The following CMTR1 variants were observed in gnomAD, a reference collection of about 807,000 sequenced individuals.
The protein encoded by CMTR1 is cap methyltransferase 1.
A neutral mutation model predicts 107.0 loss-of-function variants in CMTR1; 39 were observed. The observed-to-expected ratio is 0.36, with a 90% CI of 0.28 to 0.48. The LOEUF (loss-of-function observed/expected upper bound fraction) is 0.48, where lower values mean the gene tolerates loss of function less well. Ranked by LOEUF, CMTR1 falls within the 20% of genes least tolerant of loss-of-function variation. CMTR1 has a pLI of 0.99. For missense variants in CMTR1, 672 were observed against 1,064.9 expected, an observed-to-expected ratio of 0.63 and a Z score of 5.14; for synonymous variants, 366 against 379.5, an observed-to-expected ratio of 0.96 and a Z score of 0.41.
chr6:37,437,787 G>C (rs984322531), intron 2 of CMTR1, among the ~76,000 whole-genome samples: 6 of 152,178 alleles, frequency 3.9e-5, no homozygotes, highest in African/African-American at 1.2e-4. Context: ...TCCTTGGGTA[G>C]GGGTATTGGG....
Position 37,468,058 on chromosome 6 carries a change from G to GC in CMTR1, c.1506-2963_1506-2962insC, listed in dbSNP as rs568532320. Among the ~76,000 whole-genome samples, 46 of 147,972 alleles carry GC rather than the reference G, an allele frequency of 3.1e-4. 2 individuals are homozygous for GC. The East Asian group carries it at 9.7e-3, about 31-fold the overall frequency. ...TCCTTTCTTCCCTCTGTTTTGTGGG[G>GC]GGGGGGACTAATTCAGTATTTTTTA... is the stretch of plus-strand genomic sequence containing the variant. On this transcript the variant is annotated intron_variant, in intron 13 of 23. Coordinates refer to ENST00000373451, the MANE Select transcript of CMTR1 (RefSeq NM_015050.3).
At chr6:37,430,776 AG>A (rs1213296021), upstream of CMTR1, among the ~76,000 whole-genome samples, 2 of 152,124 alleles carry the variant, frequency 1.3e-5, no homozygotes, top group African/African-American at 4.8e-5. Context: ...GTCCTTTGGG[AG>A]GCTGAGGTGG....
intron 19 of CMTR1, 130 bp downstream of exon 19, chr6:37,475,542 C>T (rs540196371): frequency 1.8e-4 from 138 of 750,728 alleles, no homozygotes; most frequent in Middle Eastern, 7.5e-4. Flanking sequence ...GTTTCCCCCT[C>T]CCACCCACTG....
intron 8 of CMTR1, among the ~76,000 whole-genome samples, chr6:37,454,441 A>G (rs1761248780): frequency 6.6e-6 from 1 of 152,220 alleles, no homozygotes; most frequent in Non-Finnish European, 1.5e-5. Context: ...ATCTTGAGAA[A>G]ATTAGGTTGA....
chr6:37,449,331 C>T lies in CMTR1; in HGVS notation c.445-920C>T, dbSNP rs951781833. On this transcript the variant is annotated intron_variant, in intron 4 of 23. Coordinates refer to ENST00000373451, the MANE Select transcript of CMTR1 (RefSeq NM_015050.3). ...ATGTTATGTTATTTTGTTTTCAAGACGGAGTTTTGTTCTGTCACCCAGGCT... is the reference window on the plus strand; with the variant it reads ...ATGTTATGTTATTTTGTTTTCAAGATGGAGTTTTGTTCTGTCACCCAGGCT... Among the ~76,000 whole-genome samples, 8 of 94,930 alleles carry T rather than the reference C, an allele frequency of 8.4e-5. No homozygotes were observed. The East Asian group carries it at 1.2e-3, about 15-fold the overall frequency. 62.3% of individuals were successfully genotyped at this position (94,930 alleles called of 152,430 possible).
chr6:37,446,720 C>CT (rs1051614420), intron 4 of CMTR1, among the ~76,000 whole-genome samples: 14 of 152,182 alleles, frequency 9.2e-5, no homozygotes, highest in African/African-American at 3.1e-4. Flanking sequence ...TCCATAAAAA[C>CT]TTTAATAAAT....
chr6:37,478,269 C>T (rs924594929), intron 21 of CMTR1, 140 bp from the exon 22 acceptor site: 1 of 674,384 alleles, frequency 1.5e-6, no homozygotes, highest in Non-Finnish European at 2.7e-6. Flanking sequence ...CATGGCCACC[C>T]ACTCGGCTGT....
At chr6:37,436,902 A>C (rs1771541671) in intron 2 of CMTR1, among the ~76,000 whole-genome samples, 1 of 152,156 alleles carries the variant, frequency 6.6e-6, no homozygotes, top group Non-Finnish European at 1.5e-5. Context: ...TTGGTGACTG[A>C]AAGGGTGTGA....
chr6:37,442,931 G>A (rs1334053977), intron 2 of CMTR1, among the ~76,000 whole-genome samples: 5 of 152,088 alleles, frequency 3.3e-5, no homozygotes, highest in Non-Finnish European at 4.4e-5. Context: ...CTTCTTCAAA[G>A]GAATTATGCC....
chr6:37,474,449 G>C, intron 17 of CMTR1, 75 bp from the exon 18 acceptor site: 5 of 1,569,954 alleles, frequency 3.2e-6, no homozygotes, highest in Non-Finnish European at 4.3e-6. Context: ...CCAACTAAAA[G>C]CTCTTTTGAG....
chr6:37,431,128 T>C (rs527921684), upstream of CMTR1, among the ~76,000 whole-genome samples: 1 of 152,310 alleles, frequency 6.6e-6, no homozygotes, highest in African/African-American at 2.4e-5. Flanking sequence ...AAAATTTAAC[T>C]TTAACTTGAC....
chr6:37,465,859 T>C (rs1357310652), intron 13 of CMTR1, among the ~76,000 whole-genome samples: 3 of 152,088 alleles, frequency 2.0e-5, no homozygotes, highest in Non-Finnish European at 4.4e-5. Flanking sequence ...ACTGTAGGAG[T>C]TCTTTATATA....
At chr6:37,470,934 A>C (rs1761610899) in intron 13 of CMTR1, 87 bp from the exon 14 acceptor site, 1 of 1,088,894 alleles carries the variant, frequency 9.2e-7, no homozygotes, top group Admixed American at 2.6e-5. Context: ...ATAGATGGCC[A>C]CTGCTCCCGT....
Position 37,479,159 on chromosome 6 carries a change from T to C in CMTR1, c.2279T>C (p.Met760Thr). 1 of 1,613,764 alleles carries C rather than the reference T, an allele frequency of 6.2e-7. No individual in the cohort carries two copies. Among genetic ancestry groups the C allele is most frequent in the Non-Finnish European group, 8.5e-7 (1 of 1,179,682 alleles). ...TTCCTCCCATCAGAGCCCTGGACTA[T>C]GGGATTCAGCAAAAGCTTCAAGAAG... is the stretch of plus-strand genomic sequence containing the variant. ...IVRTVNEPWT[M>T]GFSKSFKKKF... The change falls in exon 23 of 24, where the codon ATG (methionine) becomes ACG (threonine). Residue 760 changes from methionine to threonine, a missense_variant. Physicochemically the swap from Met to Thr is moderately conservative, Grantham distance 81. This residue lies in a region of CMTR1 where 583 missense variants were observed against 968.4 expected (regional missense o/e 0.60). Transcript: ENST00000373451.
the CMTR1 span, among the ~76,000 whole-genome samples, chr6:37,424,852 G>A: frequency 6.6e-6 from 1 of 151,612 alleles, no homozygotes; most frequent in Non-Finnish European, 1.5e-5. Flanking sequence ...TCACCCTGTG[G>A]GACTTCCTTG....
intron 15 of CMTR1, 76 bp downstream of exon 15, chr6:37,471,980 G>A: frequency 1.5e-6 from 2 of 1,364,526 alleles, no homozygotes; most frequent in South Asian, 2.5e-5. Flanking sequence ...TCCCAATCCT[G>A]TCACCTTAGG....
chr6:37,452,719 A>G (rs1249876220), intron 6 of CMTR1, among the ~76,000 whole-genome samples: 1 of 152,196 alleles, frequency 6.6e-6, no homozygotes, highest in Non-Finnish European at 1.5e-5. Flanking sequence ...TCCCTTGGAG[A>G]GTAGCTGCTG....
intron 21 of CMTR1, among the ~76,000 whole-genome samples, chr6:37,477,954 T>C (rs973563965): frequency 1.3e-4 from 20 of 152,180 alleles, no homozygotes; most frequent in African/African-American, 4.8e-4. Flanking sequence ...ATACCATAAA[T>C]CCCAGCTCCC....
rs116002930 is a variant in CMTR1 at position 37,480,447 on chromosome 6, G to C, written c.*302G>C. On this transcript the variant is annotated 3_prime_UTR_variant, in exon 24 of 24. Transcript: ENST00000373451. ...GCCTAGGGCACGTGGGACTGATGGA[G>C]GACATATCAGAGTGGCAGAGCTGTG... 1.5e-3 allele frequency: 1,780 copies of C among 1,205,664 alleles called. 21 individuals are homozygous for C. In the African/African-American group the frequency reaches 0.026, roughly 18 times the overall value. The allele number at this position is 1,205,664 out of a possible 1,614,324, so 74.7% of individuals were successfully genotyped here.
Sources: gnomAD v4.1 joint callset for allele counts (sites outside exome capture counted in the v4.1 genomes callset) on GRCh38, gnomAD v4.1.1 for gene constraint, gnomAD v4.1.1 regional missense constraint, MANE v1.5 for transcripts, NCBI Gene and HGNC (gene_info 2026-07-23, HGNC 2026-07-21) for gene names.